CHST11: variants seen among roughly 807,000 people sequenced by gnomAD.
CHST11 encodes carbohydrate sulfotransferase 11.
Under a neutral mutation model 30.4 loss-of-function variants are expected in CHST11, and 9 were observed. The observed-to-expected ratio is 0.30, with a 90% CI of 0.18 to 0.52. CHST11 has a LOEUF of 0.52. Ranked by LOEUF, CHST11 falls within the 20% of genes least tolerant of loss-of-function variation. The probability of loss-of-function intolerance (pLI) is 0.97; values close to 1 mark genes in which losing one functional copy is unlikely to be tolerated. For synonymous variants in CHST11, 152 were observed against 187.8 expected, an observed-to-expected ratio of 0.81 and a Z score of 1.56; for missense variants, 348 against 460.6, an observed-to-expected ratio of 0.76 and a Z score of 2.24.
chr12:104,669,418 T>C (rs2039670108), intron 2 of CHST11, among the ~76,000 whole-genome samples: 1 of 126,650 alleles, frequency 7.9e-6, no homozygotes, highest in South Asian at 2.6e-4. Context: ...ATGGTGCAAA[T>C]GATTTTTTTT....
chr12:104,730,886 A>C (rs1444505869), intron 2 of CHST11, among the ~76,000 whole-genome samples: 1 of 152,200 alleles, frequency 6.6e-6, no homozygotes, highest in African/African-American at 2.4e-5. Flanking sequence ...TGCAGCTGCC[A>C]GAAAAGTCTG....
At chr12:104,669,085 G>A (rs1566030532) in intron 2 of CHST11, among the ~76,000 whole-genome samples, 1 of 152,204 alleles carries the variant, frequency 6.6e-6, no homozygotes, top group Non-Finnish European at 1.5e-5. Flanking sequence ...CCCCACTGCA[G>A]CGTGCGTTAG....
intron 1 of CHST11, among the ~76,000 whole-genome samples, chr12:104,573,290 T>C (rs2038647674): frequency 6.6e-6 from 1 of 152,120 alleles, no homozygotes; most frequent in African/African-American, 2.4e-5. Flanking sequence ...CTGCCCAAGG[T>C]AAGTTATAGA....
chr12:104,701,457 C>T (rs1422417772), intron 2 of CHST11, among the ~76,000 whole-genome samples: 4 of 152,082 alleles, frequency 2.6e-5, no homozygotes, highest in African/African-American at 4.8e-5. Flanking sequence ...GTGAACCCGG[C>T]GGGCACACTG....
intron 1 of CHST11, among the ~76,000 whole-genome samples, chr12:104,601,011 C>T (rs1307093962): frequency 2.0e-5 from 3 of 150,286 alleles, no homozygotes; most frequent in Admixed American, 2.0e-4. Flanking sequence ...CTTTCCTTCT[C>T]CTTTCCTCCT....
intron 1 of CHST11, among the ~76,000 whole-genome samples, chr12:104,513,245 T>TA: frequency 6.6e-6 from 1 of 151,356 alleles, no homozygotes; most frequent in South Asian, 2.1e-4. Context: ...ATGTCTCACA[T>TA]ACACAGAGAG....
chr12:104,592,792 C>G (rs759651945), intron 1 of CHST11, among the ~76,000 whole-genome samples: 11 of 152,170 alleles, frequency 7.2e-5, no homozygotes, highest in Non-Finnish European at 1.2e-4. Flanking sequence ...AGGTTGACAA[C>G]TGATTTGTAC....
chr12:104,569,416 A>T (rs776203883), intron 1 of CHST11, among the ~76,000 whole-genome samples: 2 of 152,204 alleles, frequency 1.3e-5, no homozygotes, highest in Non-Finnish European at 2.9e-5. Flanking sequence ...TGGACAGTTC[A>T]CTTCGAGACC....
intron 1 of CHST11, among the ~76,000 whole-genome samples, chr12:104,478,470 A>G (rs1339342659): frequency 1.3e-5 from 2 of 152,062 alleles, no homozygotes. Flanking sequence ...CCTTCCCCAT[A>G]GTCTCTTTTA....
At chr12:104,612,340 G>T (rs1399723082) in intron 2 of CHST11, among the ~76,000 whole-genome samples, 2 of 152,242 alleles carry the variant, frequency 1.3e-5, no homozygotes, top group Non-Finnish European at 2.9e-5. Flanking sequence ...TAGCTTCCTG[G>T]TTTGAGGGTG....
At chr12:104,598,459 G>A (rs2038927005) in intron 1 of CHST11, among the ~76,000 whole-genome samples, 1 of 152,146 alleles carries the variant, frequency 6.6e-6, no homozygotes, top group Non-Finnish European at 1.5e-5. Context: ...GTAATTGGAT[G>A]CTCAAGAATC....
chr12:104,667,286 TTCCCCC>T (rs1338446641), intron 2 of CHST11, among the ~76,000 whole-genome samples: 1 of 152,156 alleles, frequency 6.6e-6, no homozygotes, highest in East Asian at 1.9e-4. Flanking sequence ...GGTGTCCTTA[TTCCCCC>T]ACCACGCTTC....
At chr12:104,516,521 T>C (rs1312829680) in intron 1 of CHST11, among the ~76,000 whole-genome samples, 1 of 152,136 alleles carries the variant, frequency 6.6e-6, no homozygotes, top group African/African-American at 2.4e-5. Context: ...TTAGGCGTGG[T>C]TGGAATTGGA....
chr12:104,521,972 G>C (rs2038077668), intron 1 of CHST11, among the ~76,000 whole-genome samples: 1 of 152,032 alleles, frequency 6.6e-6, no homozygotes, highest in Non-Finnish European at 1.5e-5. Context: ...TCTCAGACAG[G>C]ATCTTATCAC....
At chr12:104,537,660 T>C (rs930945058) in intron 1 of CHST11, among the ~76,000 whole-genome samples, 2 of 151,848 alleles carry the variant, frequency 1.3e-5, no homozygotes, top group Non-Finnish European at 2.9e-5. Flanking sequence ...ACAGATAATA[T>C]AGTTTTCATC....
At chr12:104,475,208 C>T (rs909289474) in intron 1 of CHST11, among the ~76,000 whole-genome samples, 1 of 152,166 alleles carries the variant, frequency 6.6e-6, no homozygotes, top group African/African-American at 2.4e-5. Flanking sequence ...AGCACTCAAA[C>T]ATTTATTGAC....
chr12:104,533,372 A>T (rs17035738), intron 1 of CHST11, among the ~76,000 whole-genome samples: 5,770 of 152,250 alleles, frequency 0.038, 386 homozygotes, highest in African/African-American at 0.13. Context: ...GTACTTGGCC[A>T]TGCTTTATCT....
intron 1 of CHST11, among the ~76,000 whole-genome samples, chr12:104,598,364 A>G (rs2038926161): frequency 1.3e-5 from 2 of 152,214 alleles, no homozygotes; most frequent in African/African-American, 4.8e-5. Flanking sequence ...CATCAGCAGT[A>G]GGAGATGTTC....
At chr12:104,542,280 G>A (rs2038293541) in intron 1 of CHST11, among the ~76,000 whole-genome samples, 1 of 152,158 alleles carries the variant, frequency 6.6e-6, no homozygotes, top group South Asian at 2.1e-4. Context: ...CTGAAAGCAG[G>A]GACTTGAATG....
Sources: gnomAD v4.1 joint callset for allele counts (sites outside exome capture counted in the v4.1 genomes callset) on GRCh38, gnomAD v4.1.1 for gene constraint, MANE v1.5 for transcripts, NCBI Gene and HGNC (gene_info 2026-07-23, HGNC 2026-07-21) for gene names.